SMIM45: variants seen among roughly 807,000 people sequenced by gnomAD.
The protein encoded by SMIM45 is long intergenic non-protein coding RNA 634.
At chr22:41,949,077 A>G in the SMIM45 span, among the ~76,000 whole-genome samples, 4 of 151,866 alleles carry the variant, frequency 2.6e-5, no homozygotes, top group Non-Finnish European at 4.4e-5. Context: ...AAAACAAAAA[A>G]CAAACAAACA....
chr22:41,956,947 A>G, the SMIM45 span, among the ~76,000 whole-genome samples: 1 of 152,052 alleles, frequency 6.6e-6, no homozygotes, highest in Non-Finnish European at 1.5e-5. Context: ...TGCCCGGCTA[A>G]TTTTTGTATT....
At chr22:41,958,130 G>T in the SMIM45 span, 4 of 348,592 alleles carry the variant, frequency 1.1e-5, no homozygotes, top group Non-Finnish European at 2.3e-5. Flanking sequence ...CTCACCCAGA[G>T]CCCACCCTCC....
chr22:41,953,337 G>A, the SMIM45 span, among the ~76,000 whole-genome samples: 86 of 152,166 alleles, frequency 5.7e-4, 1 homozygote, highest in African/African-American at 1.9e-3. Flanking sequence ...CCTACCTGGA[G>A]TTCTTTCCAT....
chr22:41,949,429 C>T, the SMIM45 span, among the ~76,000 whole-genome samples: 45 of 152,296 alleles, frequency 3.0e-4, no homozygotes, highest in African/African-American at 1.0e-3. Flanking sequence ...AAGTGGAAAG[C>T]CCCTGAGTGG....
the SMIM45 span, chr22:41,958,683 C>T: frequency 7.7e-6 from 2 of 259,480 alleles, no homozygotes; most frequent in Non-Finnish European, 1.6e-5. Flanking sequence ...AGCCCTTCCC[C>T]CTCCCCAAGA....
At chr22:41,949,064 A>G in the SMIM45 span, among the ~76,000 whole-genome samples, 1 of 151,962 alleles carries the variant, frequency 6.6e-6, no homozygotes, top group Non-Finnish European at 1.5e-5. Context: ...AAACTCCATC[A>G]CAAAAACAAA....
chr22:41,947,059 G>T, the SMIM45 span: 35 of 1,612,834 alleles, frequency 2.2e-5, no homozygotes, highest in Middle Eastern at 1.6e-4. Context: ...GCTTGTCCAG[G>T]GGCCTCAACA....
the SMIM45 span, among the ~76,000 whole-genome samples, chr22:41,947,981 A>G: frequency 3.9e-5 from 6 of 152,178 alleles, no homozygotes; most frequent in Non-Finnish European, 8.8e-5. Flanking sequence ...TTCTTTGTCC[A>G]ATGGGAGACT....
the SMIM45 span, among the ~76,000 whole-genome samples, chr22:41,948,337 C>T: frequency 2.0e-5 from 3 of 152,124 alleles, no homozygotes; most frequent in South Asian, 2.1e-4. Context: ...ATGCCCTACC[C>T]TAGGAAGTCA....
At chr22:41,951,955 G>A in the SMIM45 span, among the ~76,000 whole-genome samples, 189 of 152,356 alleles carry the variant, frequency 1.2e-3, no homozygotes, top group African/African-American at 4.4e-3. Flanking sequence ...CCTGCTGGGT[G>A]ATTCCCCCTC....
chr22:41,953,843 G>A, the SMIM45 span, among the ~76,000 whole-genome samples: 34,734 of 144,400 alleles, frequency 0.24, 6,060 homozygotes, highest in African/African-American at 0.48. Context: ...CTCTGCCTCC[G>A]GGGTTCACGC....
At chr22:41,954,677 T>C in the SMIM45 span, among the ~76,000 whole-genome samples, 1 of 152,050 alleles carries the variant, frequency 6.6e-6, no homozygotes, top group African/African-American at 2.4e-5. Flanking sequence ...AGGGGGAGGT[T>C]GGCAGGGAGC....
At chr22:41,953,449 C>T in the SMIM45 span, among the ~76,000 whole-genome samples, 1 of 152,208 alleles carries the variant, frequency 6.6e-6, no homozygotes. Flanking sequence ...CTCAGGGCAT[C>T]GCTGGGGTTT....
chr22:41,955,782 G>A, the SMIM45 span, among the ~76,000 whole-genome samples: 1 of 148,654 alleles, frequency 6.7e-6, no homozygotes, highest in African/African-American at 2.5e-5. Context: ...TTCCAGCCTG[G>A]GTGACAGAGC....
the SMIM45 span, among the ~76,000 whole-genome samples, chr22:41,949,495 G>A: frequency 9.8e-5 from 15 of 152,356 alleles, no homozygotes; most frequent in South Asian, 6.2e-4. Flanking sequence ...TGTGGCAGAT[G>A]GAGTAAGAAG....
At chr22:41,953,710 C>T in the SMIM45 span, among the ~76,000 whole-genome samples, 3 of 148,968 alleles carry the variant, frequency 2.0e-5, no homozygotes, top group Non-Finnish European at 4.4e-5. Context: ...CATCCTGTCC[C>T]TGGAGGAGAT....
chr22:41,953,743 T>TG, the SMIM45 span, among the ~76,000 whole-genome samples: 15 of 69,846 alleles, frequency 2.1e-4, no homozygotes, highest in Non-Finnish European at 2.2e-4. Flanking sequence ...GTGATCTGTT[T>TG]TTTTTTTTTT....
chr22:41,954,985 C>T, the SMIM45 span, among the ~76,000 whole-genome samples: 2 of 152,004 alleles, frequency 1.3e-5, no homozygotes, highest in Non-Finnish European at 1.5e-5. Context: ...GCCTGGGCAA[C>T]AGAATGAGAC....
the SMIM45 span, among the ~76,000 whole-genome samples, chr22:41,951,793 C>T: frequency 1.3e-5 from 2 of 152,286 alleles, no homozygotes; most frequent in East Asian, 3.9e-4. Flanking sequence ...CATATGACCC[C>T]CTTGAGCTCT....
Sources: allele counts gnomAD v4.1 joint callset (sites outside exome capture counted in the v4.1 genomes callset), GRCh38; gene constraint gnomAD v4.1.1; transcripts MANE v1.5; gene names NCBI Gene and HGNC (gene_info 2026-07-23, HGNC 2026-07-21).